The following MRPS35 variants were observed in gnomAD, a reference collection of about 807,000 sequenced individuals.
The protein encoded by MRPS35 is small ribosomal subunit protein mS35.
In MRPS35, 29 loss-of-function variants were observed where a neutral mutation model predicts 32.7. The ratio of observed to expected loss-of-function variants is 0.89; its 90% CI spans 0.66 to 1.21. The LOEUF (loss-of-function observed/expected upper bound fraction) is 1.21. Ranked by LOEUF, MRPS35 falls within the 50% of genes most tolerant of loss-of-function variation. The probability of loss-of-function intolerance (pLI) is 0.00; values close to 1 mark genes in which losing one functional copy is unlikely to be tolerated. For missense variants in MRPS35, 373 were observed against 383.8 expected (o/e 0.97, Z 0.23); for synonymous variants, 148 against 139.3 (o/e 1.06, Z -0.44).
In MRPS35 at chr12:27,716,397, T is replaced by C; in HGVS notation, c.260T>C (p.Met87Thr). The C allele has an allele frequency of 6.2e-7, 1 of 1,614,152 alleles. No homozygotes were observed. Among genetic ancestry groups the C allele is most frequent in the Non-Finnish European group, 8.5e-7 (1 of 1,180,032 alleles). Residue 87 changes from methionine (M) to threonine (T), a missense_variant, in exon 3 of 8, where the codon ATG (methionine) becomes ACG (threonine). Physicochemically the swap from Met to Thr is moderately conservative, Grantham distance 81 (BLOSUM62 -1). Coordinates refer to ENST00000081029, the MANE Select transcript of MRPS35 (RefSeq NM_021821.4). ...TCTGCAGTACCTCTTCCTGTTCGAATGGGTTATCCAGTAAAAAAGGGCGTG... is the reference window on the plus strand; with the variant it reads ...TCTGCAGTACCTCTTCCTGTTCGAACGGGTTATCCAGTAAAAAAGGGCGTG... ...KPSAVPLPVR[M>T]GYPVKKGVPM...
chr12:27,721,432 T>C (rs2061874663), intron 4 of MRPS35, among the ~76,000 whole-genome samples: 1 of 152,032 alleles, frequency 6.6e-6, no homozygotes, highest in South Asian at 2.1e-4. Context: ...CTGAGGTGGG[T>C]GGATTGCTTG....
At chr12:27,739,495 G>A (rs1298350694) in intron 7 of MRPS35, among the ~76,000 whole-genome samples, 4 of 152,168 alleles carry the variant, frequency 2.6e-5, no homozygotes, top group Non-Finnish European at 4.4e-5. Flanking sequence ...GTTGTGAGAT[G>A]AGTAAAAGAC....
At chr12:27,717,208 T>C (rs1016851019) in intron 3 of MRPS35, among the ~76,000 whole-genome samples, 12 of 152,138 alleles carry the variant, frequency 7.9e-5, no homozygotes, top group African/African-American at 2.2e-4. Flanking sequence ...TATTGCATCT[T>C]TCCAGTGGAA....
rs1171706862 is a variant in MRPS35 at position 27,722,112 on chromosome 12, T to G, written c.383-1935T>G. Among the ~76,000 whole-genome samples, 5 of 152,326 alleles carry G rather than the reference T, an allele frequency of 3.3e-5. No individual in the cohort carries two copies. The East Asian group carries it at 9.6e-4, about 29-fold the overall frequency. ...GAGTGGCATTATATTTTATAGTATT[T>G]AAATGAGTGTCTTAATCTTTCCTTA... On this transcript the variant is annotated intron_variant, in intron 4 of 7. Transcript: ENST00000081029.
rs1444904924 is a variant in MRPS35 at position 27,719,678 on chromosome 12, A to G, written c.322-130A>G. ...ACAGAGCGAGACTCTGTCTCAAAAA[A>G]AAAAAAAAACAAACAGATTTTATTT... On this transcript the variant is annotated intron_variant, in intron 3 of 7. Coordinates refer to ENST00000081029, the MANE Select transcript of MRPS35 (RefSeq NM_021821.4). 4 of 629,282 alleles carry G rather than the reference A, an allele frequency of 6.4e-6. No individual in the cohort carries two copies. In the East Asian group the frequency reaches 1.3e-4, roughly 20 times the overall value. The allele number at this position is 629,282 out of a possible 1,614,324, so 39.0% of individuals were successfully genotyped here.
At chr12:27,714,535 G>A (rs1280282679) in intron 1 of MRPS35, among the ~76,000 whole-genome samples, 11 of 148,170 alleles carry the variant, frequency 7.4e-5, no homozygotes, top group South Asian at 2.1e-4. Context: ...GCAGTGAGCC[G>A]AGATCACACC....
intron 7 of MRPS35, among the ~76,000 whole-genome samples, chr12:27,747,566 ATTGC>A (rs1478110681): frequency 2.0e-5 from 3 of 152,154 alleles, no homozygotes; most frequent in Non-Finnish European, 2.9e-5. Context: ...TGATTTTCAA[ATTGC>A]TTGGGATTTT....
rs56932909 is a variant in MRPS35 at position 27,732,987 on chromosome 12, GATATATATATATATATATAT to G, written c.523-2425_523-2406del. 2.5e-3 allele frequency among the ~76,000 whole-genome samples: 296 copies of G among 120,636 alleles called. 4 individuals are homozygous for G. Among genetic ancestry groups the G allele is most frequent in the African/African-American group, 7.0e-3 (213 of 30,278 alleles). 79.1% of individuals were successfully genotyped at this position (120,636 alleles called of 152,430 possible). A position where few individuals can be genotyped will look rare whatever the true frequency, so the allele number is the denominator to read the frequency against. On this transcript the variant is annotated intron_variant, in intron 5 of 7. Transcript: ENST00000081029. Reference sequence around the variant, plus strand: ...TTGTGTTAAAATGTAGTCATTTGAAGATATATATATATATATATATATATATATATATATATATATATATA... The same window carrying G: ...TTGTGTTAAAATGTAGTCATTTGAAGATATATATATATATATATATATATA...
intron 7 of MRPS35, among the ~76,000 whole-genome samples, chr12:27,738,055 T>C (rs541334651): frequency 6.6e-6 from 1 of 152,240 alleles, no homozygotes; most frequent in African/African-American, 2.4e-5. Flanking sequence ...TTGACTGTTA[T>C]GCATTAGGTA....
Position 27,740,240 on chromosome 12 carries a change from T to G in MRPS35, c.702+2632T>G, listed in dbSNP as rs563185610. On this transcript the variant is annotated intron_variant, in intron 7 of 7. Transcript: ENST00000081029. ...TTTTATAGGCTAGCTTCTGAGCATT[T>G]AATACCCAAATATATGCTTCCTTTG... Among the ~76,000 whole-genome samples the G allele has an allele frequency of 3.5e-4, 54 of 152,140 alleles. 1 individual carries two copies. The highest frequency in any genetic ancestry group is 1.2e-3 in the African/African-American group (50 of 41,554).
intron 6 of MRPS35, among the ~76,000 whole-genome samples, chr12:27,736,443 T>A (rs2061943245): frequency 6.6e-6 from 1 of 152,094 alleles, no homozygotes. Flanking sequence ...CATGCAACTT[T>A]AAAAAATGCC....
At chr12:27,753,475 G>A (rs371915509) in intron 7 of MRPS35, among the ~76,000 whole-genome samples, 2 of 152,154 alleles carry the variant, frequency 1.3e-5, no homozygotes, top group South Asian at 4.2e-4. Flanking sequence ...AGGGGTGGGA[G>A]GGTGGCACGG....
chr12:27,724,279 C>T (rs2061890436), intron 5 of MRPS35, 93 bp downstream of exon 5: 1 of 1,194,796 alleles, frequency 8.4e-7, no homozygotes. Flanking sequence ...TGGCTCATGC[C>T]TGTAATCCCA....
chr12:27,717,652 A>G (rs1047839729), intron 3 of MRPS35, among the ~76,000 whole-genome samples: 2 of 152,224 alleles, frequency 1.3e-5, no homozygotes, highest in Non-Finnish European at 2.9e-5. Flanking sequence ...AAGACACAAG[A>G]AAGCATACAT....
In MRPS35 at chr12:27,735,533, T is replaced by C; in HGVS notation, c.609T>C (p.Asp203=). 6.2e-7 allele frequency: 1 copy of C among 1,611,812 alleles called. No individual in the cohort carries two copies. Among genetic ancestry groups the C allele is most frequent in the South Asian group, 1.1e-5 (1 of 90,420 alleles). Residue 203 remains aspartate (D), a synonymous_variant, in exon 6 of 8, where the codon GAT becomes GAC. Transcript: ENST00000081029. ...LVGERYCKTT[D]VLTIKTDRCP... is the part of the protein sequence containing the mutation. ...GAGAGCGATACTGCAAGACCACAGATGTGCTTACCATCAAAACAGATAGGT... is the reference window on the plus strand; with the variant it reads ...GAGAGCGATACTGCAAGACCACAGACGTGCTTACCATCAAAACAGATAGGT...
rs578059368 is a variant in MRPS35, at chr12:27,756,050, A to C, written c.*600A>C. ...AGGGCCAAGCTACCAGAAAAGTAGA[A>C]GTGGAGATTACCTGGTATGTATCTC... On this transcript the variant is annotated 3_prime_UTR_variant, in exon 8 of 8. Coordinates refer to ENST00000081029, the MANE Select transcript of MRPS35 (RefSeq NM_021821.4). 2.0e-5 allele frequency: 3 copies of C among 152,262 alleles called. No individual in the cohort carries two copies. Among genetic ancestry groups the C allele is most frequent in the Non-Finnish European group, 4.4e-5 (3 of 68,060 alleles). 9.4% of individuals were successfully genotyped at this position (152,262 alleles called of 1,614,324 possible).
chr12:27,721,296 A>G (rs986422521), intron 4 of MRPS35, among the ~76,000 whole-genome samples: 6 of 152,170 alleles, frequency 3.9e-5, no homozygotes, highest in East Asian at 1.9e-4. Flanking sequence ...ATGCTTTTCT[A>G]TCCCTTTAGA....
At chr12:27,736,411 G>A (rs1206161306) in intron 6 of MRPS35, among the ~76,000 whole-genome samples, 1 of 151,974 alleles carries the variant, frequency 6.6e-6, no homozygotes, top group African/African-American at 2.4e-5. Flanking sequence ...ACTATCTTCA[G>A]ATAATGTTGG....
intron 1 of MRPS35, among the ~76,000 whole-genome samples, chr12:27,712,531 A>G (rs1214372528): frequency 2.0e-5 from 3 of 152,186 alleles, no homozygotes; most frequent in Non-Finnish European, 4.4e-5. Flanking sequence ...GATTAAAGTA[A>G]TAGTGGAGAA....
Sources: allele counts gnomAD v4.1 joint callset (sites outside exome capture counted in the v4.1 genomes callset), GRCh38; gene constraint gnomAD v4.1.1; transcripts MANE v1.5; gene names NCBI Gene and HGNC (gene_info 2026-07-23, HGNC 2026-07-21).